The following FMN1 variants were observed in gnomAD, a reference collection of about 807,000 sequenced individuals.
The protein encoded by FMN1 is formin-1.
A neutral mutation model predicts 132.4 loss-of-function variants in FMN1; 110 were observed. The observed-to-expected ratio is 0.83, with a 90% CI of 0.71 to 0.97. The LOEUF is 0.97. FMN1 is among the 50% of genes least tolerant of loss of function. The probability of loss-of-function intolerance (pLI) is 0.00; values close to 1 mark genes in which losing one functional copy is unlikely to be tolerated. For synonymous variants in FMN1, 722 were observed against 651.7 expected (o/e 1.11, Z -1.64); for missense variants, 1,792 against 1,705.3 (o/e 1.05, Z -0.90).
intron 5 of FMN1, among the ~76,000 whole-genome samples, chr15:33,082,609 T>C (rs1386889493): frequency 6.6e-6 from 1 of 152,190 alleles, no homozygotes; most frequent in African/African-American, 2.4e-5. Context: ...AGTCTCTGAC[T>C]ATATTCAGTT....
chr15:33,123,150 C>T (rs940930630), intron 4 of FMN1, among the ~76,000 whole-genome samples: 4 of 146,982 alleles, frequency 2.7e-5, no homozygotes, highest in East Asian at 1.9e-4. Flanking sequence ...GATCTATTTG[C>T]GCAATGTTTT....
Position 32,798,883 on chromosome 15 carries a change from C to T in FMN1, c.4051G>A (p.Val1351Met), listed in dbSNP as rs76835557. The change falls in exon 19 of 21, where the codon GTG becomes ATG. Residue 1351 changes from valine to methionine, a missense_variant. Coordinates refer to ENST00000616417, the MANE Select transcript of FMN1 (RefSeq NM_001277313.2). The stretch of plus-strand genomic sequence containing the variant: ...CAGAACTCATACCACACCATAAACA[C>T]GTAGCTGGGTGTGATCTCCTTCTCA... ...SGEKEITPSY[V>M]FMVWYEFCSD... is the part of the protein sequence containing the mutation. 2.4e-4 allele frequency: 391 copies of T among 1,613,310 alleles called. 3 individuals carry two copies. In the African/African-American group the frequency reaches 4.5e-3, roughly 19 times the overall value.
intron 6 of FMN1, among the ~76,000 whole-genome samples, chr15:33,058,094 T>C (rs1013659583): frequency 6.6e-6 from 1 of 151,616 alleles, no homozygotes; most frequent in Non-Finnish European, 1.5e-5. Context: ...ATGGGGGTGC[T>C]GGTGGAAAGG....
At chr15:33,089,123 A>G in intron 4 of FMN1, 149 bp from the exon 5 acceptor site, 1 of 690,766 alleles carries the variant, frequency 1.4e-6, no homozygotes, top group East Asian at 2.8e-5. Flanking sequence ...GCTTTCCTTT[A>G]AAAGTATTTC....
intron 4 of FMN1, among the ~76,000 whole-genome samples, chr15:33,127,857 G>C (rs191765510): frequency 1.0e-3 from 157 of 152,320 alleles, no homozygotes; most frequent in African/African-American, 3.5e-3. Flanking sequence ...AGAGAGAAGT[G>C]AGACAGTGCT....
intron 18 of FMN1, among the ~76,000 whole-genome samples, chr15:32,800,331 C>A (rs1423679941): frequency 1.3e-5 from 2 of 152,158 alleles, no homozygotes; most frequent in African/African-American, 4.8e-5. Context: ...AAGGCAATAA[C>A]TGCAGTAATC....
At position 33,089,622 on chromosome 15, in the gene FMN1, T is replaced by C. The variant is rs2038834101; in HGVS notation, c.1868-648A>G. Among the ~76,000 whole-genome samples, 4 of 152,348 alleles carry C rather than the reference T, an allele frequency of 2.6e-5. No homozygotes were observed. In the South Asian group the frequency reaches 8.3e-4, roughly 32 times the overall value. ...ACACTGTTTTTAGTTCTGTTCAATTTTTATGACAACATATAGTTAGGTATC... is the reference window on the plus strand; with the variant it reads ...ACACTGTTTTTAGTTCTGTTCAATTCTTATGACAACATATAGTTAGGTATC... On this transcript the variant is annotated intron_variant, in intron 4 of 20. Coordinates refer to ENST00000616417, the MANE Select transcript of FMN1 (RefSeq NM_001277313.2).
intron 9 of FMN1, among the ~76,000 whole-genome samples, chr15:32,945,090 G>A (rs1041310950): frequency 5.9e-5 from 9 of 152,260 alleles, no homozygotes; most frequent in African/African-American, 1.9e-4. Context: ...TACAGGGGCT[G>A]ATATTTTTAT....
At chr15:33,128,156 T>G (rs998742695) in intron 4 of FMN1, among the ~76,000 whole-genome samples, 6 of 147,810 alleles carry the variant, frequency 4.1e-5, no homozygotes, top group Admixed American at 6.6e-5. Flanking sequence ...GTAACAGAAG[T>G]AGGATGGAGA....
rs1250275468 is a variant in FMN1 at position 33,194,604 on chromosome 15, C to G, written c.-375G>C. On this transcript the variant is annotated 5_prime_UTR_variant, in exon 1 of 21. Transcript: ENST00000616417. ...TGACCAATACTCGGGAGGCTGGTCC[C>G]GAGTCCCAGCTACTCGGGAGGCTGA... is the stretch of plus-strand genomic sequence containing the variant. 6.6e-6 allele frequency: 1 copy of G among 152,248 alleles called. No individual in the cohort carries two copies. Among genetic ancestry groups the G allele is most frequent in the Non-Finnish European group, 1.5e-5 (1 of 68,148 alleles). 9.4% of individuals were successfully genotyped at this position (152,248 alleles called of 1,614,324 possible).
chr15:32,955,938 C>A (rs1451753779), intron 9 of FMN1, among the ~76,000 whole-genome samples: 1 of 152,170 alleles, frequency 6.6e-6, no homozygotes, highest in Non-Finnish European at 1.5e-5. Flanking sequence ...TCATTCTAAG[C>A]ACTGGAACCA....
At chr15:33,115,517 C>T (rs2039890378) in intron 4 of FMN1, among the ~76,000 whole-genome samples, 1 of 150,580 alleles carries the variant, frequency 6.6e-6, no homozygotes, top group Non-Finnish European at 1.5e-5. Context: ...CACACACGCA[C>T]ACACACAAAC....
intron 6 of FMN1, among the ~76,000 whole-genome samples, chr15:33,027,620 T>G (rs948131081): frequency 1.3e-5 from 2 of 152,180 alleles, no homozygotes; most frequent in Non-Finnish European, 2.9e-5. Flanking sequence ...TTTATGGTAG[T>G]AGTTTTAGCT....
chr15:32,806,641 C>G (rs1303741980), intron 17 of FMN1, among the ~76,000 whole-genome samples: 1 of 152,216 alleles, frequency 6.6e-6, no homozygotes, highest in African/African-American at 2.4e-5. Flanking sequence ...GGCATTACCT[C>G]CTCTTTCCCA....
chr15:32,968,673 T>C (rs1466810667), intron 8 of FMN1, 41 bp downstream of exon 8: 12 of 1,609,702 alleles, frequency 7.5e-6, no homozygotes, highest in East Asian at 2.2e-5. Flanking sequence ...GGCCAAATCC[T>C]AGGAATTCAC....
chr15:33,133,256 G>A (rs1963624810), intron 4 of FMN1, among the ~76,000 whole-genome samples: 1 of 152,206 alleles, frequency 6.6e-6, no homozygotes, highest in African/African-American at 2.4e-5. Flanking sequence ...GTGGTTGAAA[G>A]AACAGTGCGC....
intron 4 of FMN1, among the ~76,000 whole-genome samples, chr15:33,097,879 A>G (rs1019836206): frequency 1.2e-4 from 18 of 152,220 alleles, no homozygotes; most frequent in Admixed American, 2.6e-4. Context: ...CAGATATAGA[A>G]AAACTAAACA....
At chr15:32,792,151 A>G (rs1405183282) in intron 19 of FMN1, among the ~76,000 whole-genome samples, 2 of 151,856 alleles carry the variant, frequency 1.3e-5, no homozygotes, top group Non-Finnish European at 2.9e-5. Flanking sequence ...GCATTTCGAG[A>G]TGGAGGAAAC....
At chr15:32,826,393 A>C (rs1459982009) in intron 17 of FMN1, among the ~76,000 whole-genome samples, 2 of 152,214 alleles carry the variant, frequency 1.3e-5, no homozygotes, top group Non-Finnish European at 2.9e-5. Flanking sequence ...CCTGGGGGAA[A>C]AACGCTGCCC....
Sources: gnomAD v4.1 joint callset for allele counts (sites outside exome capture counted in the v4.1 genomes callset) on GRCh38, gnomAD v4.1.1 for gene constraint, MANE v1.5 for transcripts, NCBI Gene and HGNC (gene_info 2026-07-23, HGNC 2026-07-21) for gene names.